DOCK1: variants seen among roughly 807,000 people sequenced by gnomAD.
DOCK1 encodes the protein dedicator of cytokinesis protein 1.
Under a neutral mutation model 262.7 loss-of-function variants are expected in DOCK1, and 138 were observed. The observed-to-expected ratio is 0.53, with a 90% CI of 0.46 to 0.61. The LOEUF (loss-of-function observed/expected upper bound fraction) is 0.61. Among genes scored for constraint, DOCK1 ranks in the 20% least tolerant of loss-of-function variants. The pLI, the probability that DOCK1 is intolerant of heterozygous loss-of-function variation, is 0.00. For synonymous variants in DOCK1, 866 were observed against 867.4 expected, an observed-to-expected ratio of 1.00 and a Z score of 0.03; for missense variants, 1,908 against 2,370.7, an observed-to-expected ratio of 0.80 and a Z score of 4.05.
chr10:127,269,082 T>G (rs552891438), intron 29 of DOCK1, among the ~76,000 whole-genome samples: 3 of 152,254 alleles, frequency 2.0e-5, no homozygotes, highest in South Asian at 2.1e-4. Context: ...CCACCACTTA[T>G]GAGCTTTGTA....
chr10:127,264,556 G>A (rs566310841), intron 29 of DOCK1, among the ~76,000 whole-genome samples: 2 of 152,174 alleles, frequency 1.3e-5, no homozygotes, highest in Non-Finnish European at 2.9e-5. Context: ...ACTCAAAGCT[G>A]ACTGCAGGAT....
intron 1 of DOCK1, among the ~76,000 whole-genome samples, chr10:126,931,587 A>T (rs1189998359): frequency 2.6e-5 from 4 of 152,216 alleles, no homozygotes; most frequent in Non-Finnish European, 5.9e-5. Context: ...AGAAGCCCCC[A>T]CTGGGGTTGG....
At chr10:127,349,983 G>A (rs1266292716) in intron 31 of DOCK1, among the ~76,000 whole-genome samples, 1 of 152,062 alleles carries the variant, frequency 6.6e-6, no homozygotes, top group African/African-American at 2.4e-5. Context: ...TCCAAATAAG[G>A]TCACAGTCAT....
chr10:126,950,419 T>C (rs1258062150), intron 1 of DOCK1, among the ~76,000 whole-genome samples: 1 of 152,082 alleles, frequency 6.6e-6, no homozygotes, highest in African/African-American at 2.4e-5. Context: ...GTAAAGGCTC[T>C]CTCTCCTTTA....
At chr10:127,243,296 A>T (rs1257939256) in intron 27 of DOCK1, among the ~76,000 whole-genome samples, 2 of 152,154 alleles carry the variant, frequency 1.3e-5, no homozygotes, top group African/African-American at 4.8e-5. Context: ...TCTCATCCTG[A>T]GTTTCCATTC....
chr10:126,953,283 T>C (rs2036472453), intron 1 of DOCK1, among the ~76,000 whole-genome samples: 2 of 149,306 alleles, frequency 1.3e-5, no homozygotes, highest in South Asian at 4.2e-4. Context: ...AGTGTTGTGG[T>C]GTGGTGTGGT....
At chr10:127,283,592 G>T (rs2061041453) in intron 29 of DOCK1, among the ~76,000 whole-genome samples, 1 of 152,212 alleles carries the variant, frequency 6.6e-6, no homozygotes, top group South Asian at 2.1e-4. Context: ...GTTTTCTGCA[G>T]ATCTATTTAC....
intron 27 of DOCK1, among the ~76,000 whole-genome samples, chr10:127,140,934 G>T (rs1455792858): frequency 6.6e-6 from 1 of 152,176 alleles, no homozygotes; most frequent in Non-Finnish European, 1.5e-5. Context: ...GTGCCTGGGG[G>T]CCTGCCTGGT....
chr10:127,360,707 G>T (rs2064376298), intron 32 of DOCK1, among the ~76,000 whole-genome samples: 1 of 152,162 alleles, frequency 6.6e-6, no homozygotes, highest in Non-Finnish European at 1.5e-5. Flanking sequence ...TTCTCTTTCA[G>T]AGAGTCGGGT....
At chr10:127,368,012 G>A (rs1231611970) in intron 33 of DOCK1, among the ~76,000 whole-genome samples, 1 of 152,140 alleles carries the variant, frequency 6.6e-6, no homozygotes, top group Non-Finnish European at 1.5e-5. Context: ...GGGCACTCTT[G>A]TGCCACTTCC....
intron 23 of DOCK1, among the ~76,000 whole-genome samples, chr10:127,087,499 C>T (rs1040849759): frequency 2.6e-5 from 4 of 151,934 alleles, no homozygotes; most frequent in Non-Finnish European, 4.4e-5. Flanking sequence ...TGTTGGTCCC[C>T]GGAGCCTTTA....
At chr10:127,420,086 G>T (rs913514415) in intron 46 of DOCK1, among the ~76,000 whole-genome samples, 2 of 152,226 alleles carry the variant, frequency 1.3e-5, no homozygotes, top group Non-Finnish European at 2.9e-5. Context: ...TTGAGCTCTA[G>T]CCTGTGCCAG....
chr10:127,234,315 T>C lies in DOCK1; in HGVS notation c.2848-13693T>C, dbSNP rs376651323. Among the ~76,000 whole-genome samples the C allele has an allele frequency of 2.6e-4, 39 of 152,250 alleles. No homozygotes were observed. The East Asian group carries it at 5.4e-3, about 21-fold the overall frequency. On this transcript the variant is annotated intron_variant, in intron 27 of 51. Transcript: ENST00000623213. ...TGGGGGAAAAATAGTTTGGAAGTAATAGGAGAATTCTGTAGGTTCAATTGC... is the reference window on the plus strand; with the variant it reads ...TGGGGGAAAAATAGTTTGGAAGTAACAGGAGAATTCTGTAGGTTCAATTGC...
In DOCK1 at chr10:127,040,731, C is replaced by T. The variant is rs188442214; in HGVS notation, c.2011-1894C>T. Among the ~76,000 whole-genome samples, 27 of 152,302 alleles carry T rather than the reference C, an allele frequency of 1.8e-4. No homozygotes were observed. The East Asian group carries it at 1.9e-3, about 11-fold the overall frequency. ...TCCTCTGATGTCCTTGCTGTGTGATCACCTCACCCATTTATTTTTATTTTT... is the reference window on the plus strand; with the variant it reads ...TCCTCTGATGTCCTTGCTGTGTGATTACCTCACCCATTTATTTTTATTTTT... On this transcript the variant is annotated intron_variant, in intron 19 of 51. Transcript: ENST00000623213.
intron 42 of DOCK1, among the ~76,000 whole-genome samples, chr10:127,409,884 A>G (rs556319812): frequency 6.6e-6 from 1 of 152,330 alleles, no homozygotes; most frequent in East Asian, 1.9e-4. Context: ...TCCATAATGT[A>G]GGGTTATGAG....
At chr10:127,278,123 C>T (rs1476628773) in intron 29 of DOCK1, among the ~76,000 whole-genome samples, 1 of 152,098 alleles carries the variant, frequency 6.6e-6, no homozygotes, top group Non-Finnish European at 1.5e-5. Context: ...CCCATGCTGT[C>T]CTTGTTAGGT....
chr10:127,209,587 T>C (rs1223275888), intron 27 of DOCK1, among the ~76,000 whole-genome samples: 1 of 152,206 alleles, frequency 6.6e-6, no homozygotes, highest in Non-Finnish European at 1.5e-5. Flanking sequence ...AGCTGGGTGC[T>C]TAAAGGGCAT....
chr10:127,398,191 A>C (rs2067025659), intron 38 of DOCK1, among the ~76,000 whole-genome samples: 1 of 152,194 alleles, frequency 6.6e-6, no homozygotes, highest in Non-Finnish European at 1.5e-5. Context: ...GGTCTTTGCA[A>C]AAAGTCAATC....
intron 1 of DOCK1, among the ~76,000 whole-genome samples, chr10:126,935,236 G>A (rs1042738470): frequency 3.9e-5 from 6 of 152,242 alleles, no homozygotes; most frequent in African/African-American, 1.4e-4. Context: ...CGTGAAGTTG[G>A]AAGAACAGCT....
Sources: gnomAD v4.1 joint callset for allele counts (sites outside exome capture counted in the v4.1 genomes callset) on GRCh38, gnomAD v4.1.1 for gene constraint, MANE v1.5 for transcripts, NCBI Gene and HGNC (gene_info 2026-07-23, HGNC 2026-07-21) for gene names.